The following FRMD4A variants were observed in gnomAD, a reference collection of about 807,000 sequenced individuals.
FRMD4A encodes FERM domain-containing protein 4A.
Under a neutral mutation model 129.1 loss-of-function variants are expected in FRMD4A, and 29 were observed. That is an observed-to-expected ratio of 0.22 (90% CI 0.17 to 0.31). FRMD4A has a LOEUF of 0.31. Among genes scored for constraint, FRMD4A ranks in the 10% least tolerant of loss-of-function variants. The pLI is 1.00. For missense variants in FRMD4A, 1,272 were observed against 1,375.8 expected (o/e 0.92, Z 1.19); for synonymous variants, 634 against 571.6 (o/e 1.11, Z -1.56).
At chr10:13,964,572 C>T (rs931471957) in intron 2 of FRMD4A, among the ~76,000 whole-genome samples, 1 of 152,110 alleles carries the variant, frequency 6.6e-6, no homozygotes, top group African/African-American at 2.4e-5. Context: ...ATGGGATCTT[C>T]CAAGTCTCTG....
intron 2 of FRMD4A, among the ~76,000 whole-genome samples, chr10:14,028,710 A>G (rs1833094735): frequency 6.6e-6 from 1 of 152,134 alleles, no homozygotes; most frequent in African/African-American, 2.4e-5. Context: ...ATCGATATCC[A>G]TACTCCCACC....
At chr10:13,875,482 C>T (rs994516724) in intron 2 of FRMD4A, among the ~76,000 whole-genome samples, 9 of 152,172 alleles carry the variant, frequency 5.9e-5, no homozygotes, top group South Asian at 4.1e-4. Context: ...CGGATGGTAG[C>T]TTCAAATGTC....
At chr10:13,680,586 C>T (rs1358498987) in intron 15 of FRMD4A, among the ~76,000 whole-genome samples, 2 of 151,724 alleles carry the variant, frequency 1.3e-5, no homozygotes, top group Admixed American at 6.6e-5. Context: ...ATCAGCTGGG[C>T]GTTGTGGCAT....
chr10:14,157,098 AG>A (rs765477836), intron 2 of FRMD4A, among the ~76,000 whole-genome samples: 2 of 152,200 alleles, frequency 1.3e-5, no homozygotes, highest in African/African-American at 2.4e-5. Context: ...CTGCAGCAAA[AG>A]TCTAGCCTGA....
At chr10:14,238,972 T>C (rs1843932328) in intron 2 of FRMD4A, among the ~76,000 whole-genome samples, 1 of 152,204 alleles carries the variant, frequency 6.6e-6, no homozygotes, top group South Asian at 2.1e-4. Context: ...TCTGCTACTG[T>C]AAATAGGAGG....
chr10:14,088,375 C>A (rs1182559837), intron 2 of FRMD4A, among the ~76,000 whole-genome samples: 1 of 150,136 alleles, frequency 6.7e-6, no homozygotes. Flanking sequence ...TGAGCGTGGG[C>A]GGCCGAAGCT....
intron 2 of FRMD4A, among the ~76,000 whole-genome samples, chr10:14,042,387 C>A (rs1399774130): frequency 1.3e-5 from 2 of 152,172 alleles, no homozygotes; most frequent in African/African-American, 2.4e-5. Context: ...AGGTCCCGCT[C>A]CAGCCAATAG....
At position 13,952,821 on chromosome 10, in the gene FRMD4A, G is replaced by C. The variant is rs191989314; in HGVS notation, c.46-93909C>G. ...TGATTCTCCTGCCTCAGCCTCCCGA[G>C]TAGCTGGGACCATGGTGCCCACCAC... On this transcript the variant is annotated intron_variant, in intron 2 of 24. Transcript: ENST00000357447. Among the ~76,000 whole-genome samples the C allele has an allele frequency of 9.3e-4, 142 of 152,174 alleles. 1 individual carries two copies. Among genetic ancestry groups the C allele is most frequent in the Admixed American group, 7.1e-3 (109 of 15,286 alleles).
chr10:14,316,107 A>G (rs1846730491), intron 2 of FRMD4A, among the ~76,000 whole-genome samples: 1 of 152,224 alleles, frequency 6.6e-6, no homozygotes, highest in Non-Finnish European at 1.5e-5. Flanking sequence ...CAGCTTTAGA[A>G]GTAGATATTG....
intron 14 of FRMD4A, among the ~76,000 whole-genome samples, chr10:13,695,283 G>A (rs931783190): frequency 6.6e-6 from 1 of 152,070 alleles, no homozygotes; most frequent in African/African-American, 2.4e-5. Flanking sequence ...GGGGATTACA[G>A]GTGTCCACCA....
chr10:14,183,121 G>A (rs963353986), intron 2 of FRMD4A, among the ~76,000 whole-genome samples: 1 of 152,200 alleles, frequency 6.6e-6, no homozygotes, highest in Non-Finnish European at 1.5e-5. Context: ...CAAGAACACT[G>A]AAGTTTACAG....
At chr10:14,167,989 T>C (rs1841280975) in intron 2 of FRMD4A, among the ~76,000 whole-genome samples, 1 of 152,216 alleles carries the variant, frequency 6.6e-6, no homozygotes, top group African/African-American at 2.4e-5. Flanking sequence ...TGCATGGTTC[T>C]TGGATTCAGT....
chr10:13,906,282 G>A (rs1260659411), intron 2 of FRMD4A, among the ~76,000 whole-genome samples: 1 of 152,128 alleles, frequency 6.6e-6, no homozygotes, highest in Non-Finnish European at 1.5e-5. Flanking sequence ...GGCTGAAACT[G>A]GTGTTTAATC....
intron 2 of FRMD4A, among the ~76,000 whole-genome samples, chr10:14,205,015 C>T (rs1288663872): frequency 1.3e-5 from 2 of 151,804 alleles, no homozygotes; most frequent in Non-Finnish European, 2.9e-5. Context: ...TGCCTTAACC[C>T]TTCCTTACCA....
chr10:14,151,876 C>T (rs190471217), intron 2 of FRMD4A, among the ~76,000 whole-genome samples: 104 of 152,212 alleles, frequency 6.8e-4, no homozygotes, highest in African/African-American at 2.4e-3. Context: ...GATGAGTTCC[C>T]ACTTCAGCCC....
At chr10:14,158,690 AAGTAGGAAGAGGAAGAGG>A (rs1246590956) in intron 2 of FRMD4A, among the ~76,000 whole-genome samples, 1 of 147,750 alleles carries the variant, frequency 6.8e-6, no homozygotes, top group East Asian at 2.0e-4. Flanking sequence ...GGAGGAAGAG[AAGTAGGAAGAGGAAGAGG>A]AGTAGGAGGA....
intron 2 of FRMD4A, among the ~76,000 whole-genome samples, chr10:14,248,089 C>T (rs553612185): frequency 1.2e-4 from 18 of 152,280 alleles, no homozygotes; most frequent in African/African-American, 4.3e-4. Flanking sequence ...TGCCCAATTC[C>T]CCACGTAACA....
intron 2 of FRMD4A, among the ~76,000 whole-genome samples, chr10:14,072,184 A>G (rs1000962): frequency 0.31 from 47,455 of 152,058 alleles, 7,786 homozygotes; most frequent in East Asian, 0.47. Flanking sequence ...GATCAGCTGA[A>G]CAACGAGAGT....
chr10:14,235,466 T>C (rs1439174112), intron 2 of FRMD4A, among the ~76,000 whole-genome samples: 2 of 152,144 alleles, frequency 1.3e-5, no homozygotes, highest in Non-Finnish European at 2.9e-5. Context: ...CATTTTTTCA[T>C]ACACACTCCC....
Sources: gnomAD v4.1 joint callset for allele counts (sites outside exome capture counted in the v4.1 genomes callset) on GRCh38, gnomAD v4.1.1 for gene constraint, MANE v1.5 for transcripts, NCBI Gene and HGNC (gene_info 2026-07-23, HGNC 2026-07-21) for gene names.